TTC29: variants seen among roughly 807,000 people sequenced by gnomAD.
The protein encoded by TTC29 is tetratricopeptide repeat protein 29.
A neutral mutation model predicts 58.1 loss-of-function variants in TTC29; 49 were observed. The observed-to-expected ratio is 0.84, with a 90% CI of 0.67 to 1.07. The LOEUF is 1.07. Ranked by LOEUF, TTC29 falls within the 50% of genes least tolerant of loss-of-function variation. The pLI is 0.00. For synonymous variants in TTC29, 209 were observed against 196.8 expected, an observed-to-expected ratio of 1.06 and a Z score of -0.52; for missense variants, 582 against 555.6, an observed-to-expected ratio of 1.05 and a Z score of -0.48.
intron 6 of TTC29, among the ~76,000 whole-genome samples, chr4:146,881,025 A>G (rs1456747107): frequency 6.6e-6 from 1 of 152,152 alleles, no homozygotes; most frequent in Non-Finnish European, 1.5e-5. Context: ...TTGCAACGCA[A>G]TAAGGGCAAA....
chr4:146,938,141 C>A (rs1736018972), intron 3 of TTC29, among the ~76,000 whole-genome samples: 1 of 152,106 alleles, frequency 6.6e-6, no homozygotes, highest in Non-Finnish European at 1.5e-5. Context: ...TTTAATCACA[C>A]ATAAAACTCA....
chr4:146,876,855 G>A (rs1173950721), intron 6 of TTC29, among the ~76,000 whole-genome samples: 1 of 145,428 alleles, frequency 6.9e-6, no homozygotes, highest in Non-Finnish European at 1.5e-5. Context: ...GGAATCGCTT[G>A]AACCCAGGAG....
chr4:146,728,357 T>C (rs1051743596), intron 11 of TTC29, among the ~76,000 whole-genome samples: 9 of 151,962 alleles, frequency 5.9e-5, no homozygotes, highest in African/African-American at 2.2e-4. Flanking sequence ...CAGTGTTCTG[T>C]TGAACATCTA....
chr4:146,915,677 A>C (rs1734174760), intron 4 of TTC29, among the ~76,000 whole-genome samples: 1 of 152,092 alleles, frequency 6.6e-6, no homozygotes, highest in Non-Finnish European at 1.5e-5. Context: ...GTAATATAAA[A>C]CCACCTAAGT....
intron 4 of TTC29, among the ~76,000 whole-genome samples, chr4:146,925,825 C>T (rs1734894795): frequency 6.6e-6 from 1 of 152,098 alleles, no homozygotes; most frequent in South Asian, 2.1e-4. Context: ...CCAGGGTAGT[C>T]CTGGAAATAC....
chr4:146,785,653 C>T (rs2150094205), intron 11 of TTC29, among the ~76,000 whole-genome samples: 1 of 152,288 alleles, frequency 6.6e-6, no homozygotes, highest in Admixed American at 6.5e-5. Flanking sequence ...ACTCATGTGA[C>T]TCATTTTCCA....
intron 6 of TTC29, among the ~76,000 whole-genome samples, chr4:146,885,724 A>G (rs1260144539): frequency 3.3e-5 from 5 of 152,118 alleles, no homozygotes; most frequent in African/African-American, 1.2e-4. Context: ...TTCAATTAAA[A>G]GTAGTGGTAA....
chr4:146,717,732 A>AT (rs1173014588), intron 11 of TTC29, among the ~76,000 whole-genome samples: 4 of 152,118 alleles, frequency 2.6e-5, no homozygotes, highest in Admixed American at 6.6e-5. Flanking sequence ...AATGCTTATC[A>AT]TTTTTTTATG....
At chr4:146,741,791 T>G (rs1488400418) in intron 11 of TTC29, among the ~76,000 whole-genome samples, 1 of 152,192 alleles carries the variant, frequency 6.6e-6, no homozygotes, top group East Asian at 1.9e-4. Flanking sequence ...TTCCAGCTAC[T>G]GGGTGAATTC....
chr4:146,709,822 C>T (rs1016000585), intron 11 of TTC29, among the ~76,000 whole-genome samples: 2 of 152,044 alleles, frequency 1.3e-5, no homozygotes, highest in African/African-American at 4.8e-5. Flanking sequence ...GAAAATTGTC[C>T]ACAAGCTTTG....
chr4:146,708,329 T>C (rs1040596428), intron 11 of TTC29, among the ~76,000 whole-genome samples: 12 of 59,464 alleles, frequency 2.0e-4, no homozygotes, highest in African/African-American at 6.1e-4. Context: ...TATATATATA[T>C]ATATATATAT....
At chr4:146,935,784 T>C (rs1433887190) in intron 4 of TTC29, among the ~76,000 whole-genome samples, 3 of 152,234 alleles carry the variant, frequency 2.0e-5, no homozygotes, top group African/African-American at 7.2e-5. Flanking sequence ...AAGTGAGTAC[T>C]TAATAAATGT....
intron 8 of TTC29, among the ~76,000 whole-genome samples, chr4:146,846,903 C>T (rs556702694): frequency 7.2e-5 from 11 of 152,164 alleles, no homozygotes; most frequent in Non-Finnish European, 1.3e-4. Context: ...CCTGTCTGTA[C>T]AATTTGATAT....
intron 9 of TTC29, among the ~76,000 whole-genome samples, chr4:146,821,835 T>C (rs1751855375): frequency 6.6e-6 from 1 of 152,216 alleles, no homozygotes; most frequent in East Asian, 1.9e-4. Context: ...GGGAATAAGG[T>C]TCCTGTGCTT....
At chr4:146,771,048 T>C (rs1747687310) in intron 11 of TTC29, among the ~76,000 whole-genome samples, 1 of 152,088 alleles carries the variant, frequency 6.6e-6, no homozygotes, top group African/African-American at 2.4e-5. Context: ...ACATACTGTT[T>C]TGATATGTTA....
chr4:146,884,495 T>C (rs928444107), intron 6 of TTC29, among the ~76,000 whole-genome samples: 8 of 152,126 alleles, frequency 5.3e-5, no homozygotes, highest in African/African-American at 7.2e-5. Flanking sequence ...ACTAGTTTGA[T>C]TGGCTTTATT....
At chr4:146,707,273 G>T in intron 12 of TTC29, 85 bp from the exon 13 acceptor site, 3 of 992,982 alleles carry the variant, frequency 3.0e-6, no homozygotes, top group Non-Finnish European at 4.3e-6. Flanking sequence ...TTTGTTTTCT[G>T]TAATTTTCAG....
At chr4:146,924,039 A>T (rs1308763600) in intron 4 of TTC29, among the ~76,000 whole-genome samples, 1 of 151,750 alleles carries the variant, frequency 6.6e-6, no homozygotes, top group Non-Finnish European at 1.5e-5. Flanking sequence ...TTTTTAGGAC[A>T]ACTGATTTGC....
At chr4:146,906,825 T>C (rs1333921521) in intron 5 of TTC29, among the ~76,000 whole-genome samples, 2 of 152,188 alleles carry the variant, frequency 1.3e-5, no homozygotes, top group Non-Finnish European at 2.9e-5. Flanking sequence ...TTGGCTATTA[T>C]AACTTTGGAC....
Sources: gnomAD v4.1 joint callset for allele counts (sites outside exome capture counted in the v4.1 genomes callset) on GRCh38, gnomAD v4.1.1 for gene constraint, MANE v1.5 for transcripts, NCBI Gene and HGNC (gene_info 2026-07-23, HGNC 2026-07-21) for gene names.